Variants in KLHL1 observed in about 807,000 individuals in gnomAD.
KLHL1 encodes kelch-like protein 1.
Under a neutral mutation model 77.7 loss-of-function variants are expected in KLHL1, and 47 were observed. That is an observed-to-expected ratio of 0.60 (90% CI 0.48 to 0.77). The LOEUF (loss-of-function observed/expected upper bound fraction) is 0.77, where lower values mean the gene tolerates loss of function less well. Among genes scored for constraint, KLHL1 ranks in the 30% least tolerant of loss-of-function variants. The pLI, the probability that KLHL1 is intolerant of heterozygous loss-of-function variation, is 0.00. For synonymous variants in KLHL1, 360 were observed against 325.2 expected (o/e 1.11, Z -1.15); for missense variants, 925 against 910.8 (o/e 1.02, Z -0.20).
chr13:69,939,270 C>T (rs192554044), intron 4 of KLHL1, among the ~76,000 whole-genome samples: 7 of 144,716 alleles, frequency 4.8e-5, no homozygotes, highest in Admixed American at 1.4e-4. Context: ...TTAAACTGTA[C>T]AATTGAAATG....
chr13:70,053,824 T>C (rs1013786476), intron 1 of KLHL1, among the ~76,000 whole-genome samples: 1 of 152,092 alleles, frequency 6.6e-6, no homozygotes, highest in African/African-American at 2.4e-5. Flanking sequence ...AAGAAAGTCA[T>C]ACTATATTAC....
intron 5 of KLHL1, among the ~76,000 whole-genome samples, chr13:69,848,727 C>T (rs1485129010): frequency 6.6e-6 from 1 of 151,320 alleles, no homozygotes; most frequent in South Asian, 2.1e-4. Flanking sequence ...GAAAAAAATG[C>T]ATATGAAATA....
At chr13:69,937,968 G>A (rs1439284490) in intron 4 of KLHL1, among the ~76,000 whole-genome samples, 2 of 152,030 alleles carry the variant, frequency 1.3e-5, no homozygotes, top group African/African-American at 4.8e-5. Context: ...CAGGAGAGAA[G>A]TTAATTCTAT....
chr13:69,992,065 G>A (rs1277367758), intron 1 of KLHL1, among the ~76,000 whole-genome samples: 1 of 151,844 alleles, frequency 6.6e-6, no homozygotes, highest in Non-Finnish European at 1.5e-5. Context: ...GGTTCTGTTG[G>A]ATGCTCAAGT....
chr13:70,108,118 G>A lies in KLHL1; in HGVS notation c.-419C>T, dbSNP rs962569744. On this transcript the variant is annotated 5_prime_UTR_variant, in exon 1 of 11. Coordinates refer to ENST00000377844, the MANE Select transcript of KLHL1 (RefSeq NM_020866.3). ...AGCTGGATACACCTCACTGGGATGC[G>A]CTTGTGGCAGAGCCTTAGTAGGGAA... The A allele has an allele frequency of 8.8e-5, 36 of 407,504 alleles. No homozygotes were observed. Among genetic ancestry groups the A allele is most frequent in the African/African-American group, 7.0e-4 (34 of 48,798 alleles). The allele number at this position is 407,504 out of a possible 1,614,324, so 25.2% of individuals were successfully genotyped here.
intron 6 of KLHL1, among the ~76,000 whole-genome samples, chr13:69,812,391 T>C (rs1877921030): frequency 6.6e-6 from 1 of 152,170 alleles, no homozygotes. Context: ...ACCTAGGGAA[T>C]ACCATTCAGA....
chr13:69,802,159 T>C (rs1877412996), intron 6 of KLHL1, among the ~76,000 whole-genome samples: 1 of 152,000 alleles, frequency 6.6e-6, no homozygotes, highest in African/African-American at 2.4e-5. Context: ...GAATGATGGT[T>C]TCCAGCTTCA....
At chr13:69,732,353 G>T (rs138641274) in intron 8 of KLHL1, among the ~76,000 whole-genome samples, 5 of 152,250 alleles carry the variant, frequency 3.3e-5, no homozygotes, top group Non-Finnish European at 5.9e-5. Flanking sequence ...GCAGAAGAAA[G>T]ACAGAGTTGA....
At chr13:69,770,501 A>G (rs907300602) in intron 7 of KLHL1, among the ~76,000 whole-genome samples, 3 of 152,114 alleles carry the variant, frequency 2.0e-5, no homozygotes, top group Non-Finnish European at 4.4e-5. Context: ...GTCTTTATGT[A>G]TTTTTTAAAT....
At chr13:70,050,522 C>T (rs1886604434) in intron 1 of KLHL1, among the ~76,000 whole-genome samples, 1 of 151,756 alleles carries the variant, frequency 6.6e-6, no homozygotes, top group African/African-American at 2.4e-5. Flanking sequence ...AGAAATTCCC[C>T]TCAGGACAAG....
chr13:69,897,612 T>C (rs1350103510), intron 4 of KLHL1, among the ~76,000 whole-genome samples: 1 of 152,094 alleles, frequency 6.6e-6, no homozygotes, highest in Non-Finnish European at 1.5e-5. Flanking sequence ...GCCCCCTTCC[T>C]CCAGAGTGCG....
At chr13:70,073,869 A>G (rs1887198831) in intron 1 of KLHL1, among the ~76,000 whole-genome samples, 1 of 151,172 alleles carries the variant, frequency 6.6e-6, no homozygotes, top group African/African-American at 2.4e-5. Context: ...CTTGTTGCCC[A>G]GGCTGGAGGG....
chr13:70,102,949 C>G (rs1258195657), intron 1 of KLHL1, among the ~76,000 whole-genome samples: 1 of 152,136 alleles, frequency 6.6e-6, no homozygotes, highest in Admixed American at 6.5e-5. Flanking sequence ...ATACTCCTCT[C>G]CACTTGGAAA....
At chr13:69,882,623 C>G in intron 4 of KLHL1, 128 bp from the exon 5 acceptor site, 1 of 640,606 alleles carries the variant, frequency 1.6e-6, no homozygotes. Context: ...AGACTCGATC[C>G]TTCAGAAACT....
intron 5 of KLHL1, among the ~76,000 whole-genome samples, chr13:69,856,238 G>A (rs1288492774): frequency 1.3e-5 from 2 of 151,924 alleles, no homozygotes; most frequent in Admixed American, 6.6e-5. Flanking sequence ...CAAAGGGCAG[G>A]TATAGTCACT....
intron 5 of KLHL1, among the ~76,000 whole-genome samples, chr13:69,854,740 C>A (rs987280706): frequency 2.6e-5 from 4 of 152,062 alleles, no homozygotes; most frequent in Admixed American, 2.0e-4. Flanking sequence ...TTCTAGAACA[C>A]AAAATTATAA....
intron 3 of KLHL1, among the ~76,000 whole-genome samples, chr13:69,960,595 T>TC (rs1442415135): frequency 2.6e-5 from 4 of 152,078 alleles, no homozygotes; most frequent in African/African-American, 9.7e-5. Context: ...CACATTTATG[T>TC]CCTCATCTAC....
intron 5 of KLHL1, among the ~76,000 whole-genome samples, chr13:69,861,785 T>TAAAAAAAAAA (rs34408474): frequency 7.2e-4 from 62 of 85,966 alleles, no homozygotes; most frequent in African/African-American, 1.1e-3. Context: ...CCGTCTCTAC[T>TAAAAAAAAAA]AAAAAAAAAA....
chr13:69,824,892 T>G (rs927479351), intron 6 of KLHL1, among the ~76,000 whole-genome samples: 3 of 152,086 alleles, frequency 2.0e-5, no homozygotes, highest in Non-Finnish European at 2.9e-5. Context: ...CACATCTCAA[T>G]GAATGTAAAT....
Sources: gnomAD v4.1 joint callset for allele counts (sites outside exome capture counted in the v4.1 genomes callset) on GRCh38, gnomAD v4.1.1 for gene constraint, MANE v1.5 for transcripts, NCBI Gene and HGNC (gene_info 2026-07-23, HGNC 2026-07-21) for gene names.